NCK2: variants seen among roughly 807,000 people sequenced by gnomAD.
The protein encoded by NCK2 is NCK adaptor protein 2, also known as cytoplasmic protein NCK2.
In NCK2, 16 loss-of-function variants were observed where a neutral mutation model predicts 33.9. That is an observed-to-expected ratio of 0.47 (90% CI 0.32 to 0.72). The LOEUF is 0.72. Ranked by LOEUF, NCK2 falls within the 30% of genes least tolerant of loss-of-function variation. NCK2 has a pLI of 0.03. For missense variants in NCK2, 418 were observed against 537.3 expected (o/e 0.78, Z 2.19); for synonymous variants, 273 against 239.9 (o/e 1.14, Z -1.27).
At chr2:105,889,571 C>CTTTTTTT (rs35868906) in intron 4 of NCK2, among the ~76,000 whole-genome samples, 1 of 132,808 alleles carries the variant, frequency 7.5e-6, no homozygotes, top group East Asian at 2.2e-4. Context: ...ATTTGCATTT[C>CTTTTTTT]TTTTTTTTTT....
rs1443511412 is a variant in NCK2, at chr2:105,861,511, CTCT to C, written c.226+6224_226+6226del. Among the ~76,000 whole-genome samples the C allele has an allele frequency of 7.4e-4, 93 of 124,972 alleles. No homozygotes were observed. The South Asian group carries it at 9.5e-3, about 13-fold the overall frequency. 82.0% of individuals were successfully genotyped at this position (124,972 alleles called of 152,430 possible). ...GGCTATTGGTGCCGTTGAGGTTTTT[CTCT>C]TTTTTTTTTTTTTTTTTTGAGACGG... On this transcript the variant is annotated intron_variant, in intron 3 of 4. Transcript: ENST00000233154.
intron 3 of NCK2, among the ~76,000 whole-genome samples, chr2:105,878,923 TCTAGTTTGCTGC>T (rs1678347529): frequency 6.6e-6 from 1 of 152,196 alleles, no homozygotes; most frequent in African/African-American, 2.4e-5. Context: ...CTCACCAAAG[TCTAGTTTGCTGC>T]CTGGTATGTC....
At position 105,746,264 on chromosome 2, in the gene NCK2, A is replaced by T. The variant is rs4851838; in HGVS notation, c.-201+1126A>T. ...GCAGGAGGGGGCCTAAAATATCGCA[A>T]GGGCCAGCTCCGTCCCTCGACCCAG... On this transcript the variant is annotated intron_variant, in intron 1 of 4. Coordinates refer to ENST00000233154, the MANE Select transcript of NCK2 (RefSeq NM_003581.5). 2.6e-5 allele frequency among the ~76,000 whole-genome samples: 4 copies of T among 152,260 alleles called. No individual in the cohort carries two copies. The East Asian group carries it at 5.8e-4, about 22-fold the overall frequency.
intron 3 of NCK2, among the ~76,000 whole-genome samples, chr2:105,873,525 C>T (rs1404321540): frequency 6.6e-6 from 1 of 152,206 alleles, no homozygotes; most frequent in African/African-American, 2.4e-5. Flanking sequence ...CTCACTCCCA[C>T]ACCCAAAACC....
At chr2:105,808,786 AC>A (rs1675183397) in intron 1 of NCK2, among the ~76,000 whole-genome samples, 1 of 152,228 alleles carries the variant, frequency 6.6e-6, no homozygotes. Flanking sequence ...AAATCGGGAC[AC>A]TAATGAGATA....
intron 2 of NCK2, among the ~76,000 whole-genome samples, chr2:105,853,574 TCTTA>T (rs375773927): frequency 3.3e-5 from 5 of 152,204 alleles, no homozygotes; most frequent in African/African-American, 1.2e-4. Context: ...GCACTTATTT[TCTTA>T]CTGTCTCCAT....
At chr2:105,776,014 A>G (rs1490279860) in intron 1 of NCK2, among the ~76,000 whole-genome samples, 3 of 152,234 alleles carry the variant, frequency 2.0e-5, no homozygotes, top group African/African-American at 4.8e-5. Flanking sequence ...CACCTGGGAA[A>G]TAATTTGAAA....
chr2:105,786,054 G>C (rs1467043208), intron 1 of NCK2, among the ~76,000 whole-genome samples: 2 of 152,022 alleles, frequency 1.3e-5, no homozygotes, highest in Admixed American at 1.3e-4. Flanking sequence ...TGCCTTATTT[G>C]CCTTATTCTC....
chr2:105,891,858 C>T (rs533845606), intron 4 of NCK2, among the ~76,000 whole-genome samples: 2 of 152,054 alleles, frequency 1.3e-5, no homozygotes, highest in African/African-American at 2.4e-5. Flanking sequence ...ATAAAAGACA[C>T]ATTTTAATTA....
intron 3 of NCK2, among the ~76,000 whole-genome samples, chr2:105,864,495 G>A (rs189307416): frequency 2.0e-5 from 3 of 152,228 alleles, no homozygotes; most frequent in East Asian, 1.9e-4. Context: ...GCCACGGTGC[G>A]TAGTGGAGTT....
At chr2:105,825,347 A>G (rs1675900219) in intron 2 of NCK2, among the ~76,000 whole-genome samples, 1 of 152,200 alleles carries the variant, frequency 6.6e-6, no homozygotes, top group Admixed American at 6.5e-5. Flanking sequence ...TTCATCATAA[A>G]TTCAAAAATC....
At chr2:105,804,682 G>A (rs138791803) in intron 1 of NCK2, among the ~76,000 whole-genome samples, 2 of 152,244 alleles carry the variant, frequency 1.3e-5, no homozygotes, top group South Asian at 4.1e-4. Context: ...TTGACTGCTT[G>A]CAAATTTATT....
intron 1 of NCK2, among the ~76,000 whole-genome samples, chr2:105,811,162 CAAA>C (rs11358569): frequency 3.1e-4 from 43 of 140,158 alleles, no homozygotes; most frequent in Non-Finnish European, 3.4e-4. Flanking sequence ...TGACAGAGTG[CAAA>C]AAAAAAAAAA....
In NCK2 at chr2:105,881,599, G is replaced by A. The variant is rs1290834934; in HGVS notation, c.498G>A (p.Leu166=). The A allele has an allele frequency of 3.1e-6, 5 of 1,613,848 alleles. No homozygotes were observed. Among genetic ancestry groups the A allele is most frequent in the Non-Finnish European group, 4.2e-6 (5 of 1,180,006 alleles). The part of the protein sequence containing the change: ...QIGWFPSNYV[L]EEVDEAAAES... ...GCTGGTTCCCCTCCAACTACGTCTT[G>A]GAGGAGGTGGACGAGGCGGCTGCGG... The change falls in exon 4 of 5, where the codon TTG becomes TTA. Residue 166 remains leucine (L), a synonymous_variant. Transcript: ENST00000233154.
intron 1 of NCK2, among the ~76,000 whole-genome samples, chr2:105,759,260 T>C (rs924961894): frequency 3.3e-5 from 5 of 152,232 alleles, no homozygotes; most frequent in African/African-American, 1.2e-4. Context: ...TATATCGTTT[T>C]ACGTATTCAA....
chr2:105,829,474 G>A (rs543793485), intron 2 of NCK2, among the ~76,000 whole-genome samples: 16 of 152,082 alleles, frequency 1.1e-4, no homozygotes, highest in Non-Finnish European at 1.8e-4. Context: ...TTCATTTTCT[G>A]TCCCAGGATT....
At chr2:105,806,076 G>T (rs1218288442) in intron 1 of NCK2, among the ~76,000 whole-genome samples, 2 of 151,914 alleles carry the variant, frequency 1.3e-5, no homozygotes, top group African/African-American at 4.8e-5. Context: ...ATGAAGTTAG[G>T]TGTCGAATTT....
At position 105,820,071 on chromosome 2, in the gene NCK2, G is replaced by A. The variant is rs1019314780; in HGVS notation, c.-17+3458G>A. ...GGCAGGGATCAACTGACCCTTTAGGGGACAGTATGGAAAAGCCAGGAGATG... is the reference window on the plus strand; with the variant it reads ...GGCAGGGATCAACTGACCCTTTAGGAGACAGTATGGAAAAGCCAGGAGATG... On this transcript the variant is annotated intron_variant, in intron 2 of 4. Coordinates refer to ENST00000233154, the MANE Select transcript of NCK2 (RefSeq NM_003581.5). Among the ~76,000 whole-genome samples, 118 of 152,302 alleles carry A rather than the reference G, an allele frequency of 7.7e-4. 1 individual carries two copies. Among genetic ancestry groups the A allele is most frequent in the African/African-American group, 2.7e-3 (114 of 41,552 alleles).
intron 1 of NCK2, among the ~76,000 whole-genome samples, chr2:105,762,342 C>T (rs945412638): frequency 6.6e-6 from 1 of 152,194 alleles, no homozygotes; most frequent in Non-Finnish European, 1.5e-5. Context: ...GTCAGACTGC[C>T]TCCTCACATC....
Sources: allele counts gnomAD v4.1 joint callset (sites outside exome capture counted in the v4.1 genomes callset), GRCh38; gene constraint gnomAD v4.1.1; transcripts MANE v1.5; gene names NCBI Gene and HGNC (gene_info 2026-07-23, HGNC 2026-07-21).